The following LYPD6 variants were observed in gnomAD, a reference collection of about 807,000 sequenced individuals.
The protein encoded by LYPD6 is LY6/PLAUR domain containing 6.
A neutral mutation model predicts 22.7 loss-of-function variants in LYPD6; 15 were observed. That is an observed-to-expected ratio of 0.66 (90% CI 0.44 to 1.02). The LOEUF (loss-of-function observed/expected upper bound fraction) is 1.02, where lower values mean the gene tolerates loss of function less well. LYPD6 is among the 50% of genes least tolerant of loss of function. The pLI, the probability that LYPD6 is intolerant of heterozygous loss-of-function variation, is 0.00. For missense variants in LYPD6, 189 were observed against 208.4 expected, an observed-to-expected ratio of 0.91 and a Z score of 0.57; for synonymous variants, 72 against 77.5, an observed-to-expected ratio of 0.93 and a Z score of 0.37.
intron 1 of LYPD6, among the ~76,000 whole-genome samples, chr2:149,381,656 G>A (rs1389748866): frequency 6.6e-6 from 1 of 152,176 alleles, no homozygotes; most frequent in Non-Finnish European, 1.5e-5. Context: ...GTGGACTAAT[G>A]TCTAATACTG....
chr2:149,451,312 G>A (rs1680799944), intron 3 of LYPD6, among the ~76,000 whole-genome samples: 1 of 152,092 alleles, frequency 6.6e-6, no homozygotes, highest in South Asian at 2.1e-4. Flanking sequence ...ATTCTTGAGG[G>A]CTCCAGACTC....
intron 3 of LYPD6, among the ~76,000 whole-genome samples, chr2:149,465,383 G>A (rs1189076890): frequency 2.0e-5 from 3 of 152,146 alleles, no homozygotes; most frequent in Non-Finnish European, 2.9e-5. Context: ...TAAGGAATGG[G>A]GGCAGGGAGA....
At chr2:149,360,941 A>T (rs543806602) in intron 1 of LYPD6, among the ~76,000 whole-genome samples, 1 of 152,294 alleles carries the variant, frequency 6.6e-6, no homozygotes, top group Non-Finnish European at 1.5e-5. Context: ...CCTCAGTTTG[A>T]GCACACATCA....
At chr2:149,435,251 C>T (rs1683404660) in intron 1 of LYPD6, among the ~76,000 whole-genome samples, 1 of 152,196 alleles carries the variant, frequency 6.6e-6, no homozygotes, top group South Asian at 2.1e-4. Flanking sequence ...GTATAAGCCC[C>T]CCAGTCTATG....
At chr2:149,334,546 C>T (rs1680998077) in intron 1 of LYPD6, among the ~76,000 whole-genome samples, 1 of 152,136 alleles carries the variant, frequency 6.6e-6, no homozygotes. Context: ...ATCACCAAGA[C>T]TAGATGGCCT....
At chr2:149,382,480 C>T (rs932265087) in intron 1 of LYPD6, among the ~76,000 whole-genome samples, 1 of 152,174 alleles carries the variant, frequency 6.6e-6, no homozygotes, top group African/African-American at 2.4e-5. Flanking sequence ...AACTCTTTGG[C>T]ATACTCCGCC....
intron 1 of LYPD6, among the ~76,000 whole-genome samples, chr2:149,346,249 T>C (rs1243214565): frequency 1.4e-5 from 2 of 144,542 alleles, no homozygotes; most frequent in Non-Finnish European, 3.0e-5. Context: ...TTAATGTTTG[T>C]TTTTCTATTT....
intron 1 of LYPD6, among the ~76,000 whole-genome samples, chr2:149,384,117 G>A (rs1682127690): frequency 6.6e-6 from 1 of 152,034 alleles, no homozygotes; most frequent in African/African-American, 2.4e-5. Flanking sequence ...AATATTTGTT[G>A]ACTCACTATT....
intron 1 of LYPD6, among the ~76,000 whole-genome samples, chr2:149,429,313 G>A (rs1683262248): frequency 6.6e-6 from 1 of 152,172 alleles, no homozygotes; most frequent in Admixed American, 6.6e-5. Context: ...GGTGGCTGTA[G>A]TTTGGGAGGA....
At chr2:149,336,800 AGT>A (rs1681043009) in intron 1 of LYPD6, among the ~76,000 whole-genome samples, 1 of 152,178 alleles carries the variant, frequency 6.6e-6, no homozygotes, top group South Asian at 2.1e-4. Context: ...GGTTTCATGT[AGT>A]GTTAATAGAA....
intron 1 of LYPD6, among the ~76,000 whole-genome samples, chr2:149,433,060 T>A (rs1296277637): frequency 6.6e-6 from 1 of 152,222 alleles, no homozygotes; most frequent in Non-Finnish European, 1.5e-5. Flanking sequence ...TTCAGTCCTT[T>A]TACTAACTAC....
chr2:149,437,948 G>T (rs1049484868), intron 2 of LYPD6, 122 bp downstream of exon 2: 1 of 1,088,066 alleles, frequency 9.2e-7, no homozygotes, highest in East Asian at 2.5e-5. Flanking sequence ...AACTGGGGTG[G>T]TGCGGTAATT....
At chr2:149,359,199 C>T (rs1559123630) in intron 1 of LYPD6, among the ~76,000 whole-genome samples, 1 of 151,272 alleles carries the variant, frequency 6.6e-6, no homozygotes, top group Non-Finnish European at 1.5e-5. Context: ...TCCATGACTG[C>T]ACATCTTTGA....
chr2:149,469,463 T>A (rs2105183454), intron 4 of LYPD6, among the ~76,000 whole-genome samples: 1 of 152,248 alleles, frequency 6.6e-6, no homozygotes, highest in South Asian at 2.1e-4. Flanking sequence ...GACCTTAACA[T>A]AGCATACTTT....
Position 149,471,688 on chromosome 2 carries a change from T to TA in LYPD6, c.*839dup, listed in dbSNP as rs1278102643. 1 of 152,526 alleles carries TA rather than the reference T, an allele frequency of 6.6e-6. No homozygotes were observed. The highest frequency in any genetic ancestry group is 1.5e-5 in the Non-Finnish European group (1 of 68,038). 9.4% of individuals were successfully genotyped at this position (152,526 alleles called of 1,614,324 possible). A position where few individuals can be genotyped will look rare whatever the true frequency, so the allele number is the denominator to read the frequency against. ...CCAGGATGGAGTTGTTTTCCCCAGA[T>TA]ATGGGGTTCTATTCAGCCATAGATA... On this transcript the variant is annotated 3_prime_UTR_variant, in exon 5 of 5. Coordinates refer to ENST00000334166, the MANE Select transcript of LYPD6 (RefSeq NM_194317.5).
At chr2:149,458,998 C>A (rs1681028778) in intron 3 of LYPD6, among the ~76,000 whole-genome samples, 1 of 152,062 alleles carries the variant, frequency 6.6e-6, no homozygotes. Flanking sequence ...TTCAAGAGAA[C>A]AAGAGAAAGA....
chr2:149,386,804 A>G (rs1573761615), intron 1 of LYPD6, among the ~76,000 whole-genome samples: 2 of 152,244 alleles, frequency 1.3e-5, no homozygotes, highest in Non-Finnish European at 2.9e-5. Context: ...GCCAAGCCAG[A>G]TGGCTGACAG....
At chr2:149,340,665 G>T (rs1681143439) in intron 1 of LYPD6, among the ~76,000 whole-genome samples, 1 of 152,104 alleles carries the variant, frequency 6.6e-6, no homozygotes. Flanking sequence ...CAAATCAAAA[G>T]GCTTTACTAA....
At chr2:149,452,489 A>G (rs895256557) in intron 3 of LYPD6, among the ~76,000 whole-genome samples, 6 of 152,240 alleles carry the variant, frequency 3.9e-5, no homozygotes, top group South Asian at 2.1e-4. Context: ...AGGACTACCA[A>G]TGGGCTTAGG....
Sources: gnomAD v4.1 joint callset for allele counts (sites outside exome capture counted in the v4.1 genomes callset) on GRCh38, gnomAD v4.1.1 for gene constraint, MANE v1.5 for transcripts, NCBI Gene and HGNC (gene_info 2026-07-23, HGNC 2026-07-21) for gene names.